WDFY3: variants seen among roughly 807,000 people sequenced by gnomAD.
The protein encoded by WDFY3 is WD repeat and FYVE domain containing 3.
In WDFY3, 66 loss-of-function variants were observed where a neutral mutation model predicts 409.6. The observed-to-expected ratio is 0.16, with a 90% CI of 0.13 to 0.20. WDFY3 has a LOEUF of 0.20. WDFY3 is among the 10% of genes least tolerant of loss of function. The pLI is 1.00. For missense variants in WDFY3, 3,031 were observed against 4,298.1 expected (o/e 0.71, Z 8.24); for synonymous variants, 1,521 against 1,537.1 (o/e 0.99, Z 0.25).
At chr4:84,910,024 G>A (rs530321515) in intron 2 of WDFY3, among the ~76,000 whole-genome samples, 4 of 152,238 alleles carry the variant, frequency 2.6e-5, no homozygotes, top group Admixed American at 2.6e-4. Context: ...GCATCTGTGG[G>A]TTCCACACTG....
chr4:84,693,970 T>C (rs1422038888), intron 58 of WDFY3, among the ~76,000 whole-genome samples: 2 of 151,224 alleles, frequency 1.3e-5, no homozygotes, highest in African/African-American at 4.9e-5. Flanking sequence ...AGGCATAGAG[T>C]AGTTTCTGTT....
chr4:84,803,877 A>T (rs1751070425), intron 15 of WDFY3: 1 of 159,608 alleles, frequency 6.3e-6, no homozygotes, highest in South Asian at 1.7e-4. Context: ...TATCTTTTGA[A>T]ATTACCTATA....
intron 3 of WDFY3, among the ~76,000 whole-genome samples, chr4:84,869,387 C>T (rs139640825): frequency 8.4e-4 from 128 of 152,254 alleles, no homozygotes; most frequent in African/African-American, 2.9e-3. Flanking sequence ...CTGGCCTATA[C>T]ACCTTCTCAA....
chr4:84,772,185 T>C (rs1190499747), intron 30 of WDFY3, among the ~76,000 whole-genome samples: 2 of 152,136 alleles, frequency 1.3e-5, no homozygotes, highest in Non-Finnish European at 2.9e-5. Context: ...ATTCTGAGAA[T>C]TTAATTCCAG....
chr4:84,841,510 T>C (rs559425760), intron 5 of WDFY3, among the ~76,000 whole-genome samples: 27 of 152,202 alleles, frequency 1.8e-4, no homozygotes, highest in African/African-American at 4.8e-4. Flanking sequence ...AATCAAAAAG[T>C]CATGAAAGAG....
At chr4:84,963,188 C>T (rs1253163169) in intron 1 of WDFY3, among the ~76,000 whole-genome samples, 3 of 150,832 alleles carry the variant, frequency 2.0e-5, no homozygotes, top group South Asian at 2.1e-4. Flanking sequence ...TTTTGGGAGA[C>T]AGAGGCAGGC....
At chr4:84,709,659 T>C (rs550963260) in intron 51 of WDFY3, among the ~76,000 whole-genome samples, 1 of 152,232 alleles carries the variant, frequency 6.6e-6, no homozygotes, top group Non-Finnish European at 1.5e-5. Context: ...ATGTAATATA[T>C]ATTTTTTACT....
chr4:84,860,130 T>C (rs1760393918), intron 4 of WDFY3, among the ~76,000 whole-genome samples: 1 of 152,188 alleles, frequency 6.6e-6, no homozygotes, highest in South Asian at 2.1e-4. Context: ...TCTATTCCTC[T>C]TCCAAATCTC....
Position 84,770,807 on chromosome 4 carries a change from A to T in WDFY3, c.4849+2028T>A, listed in dbSNP as rs181523025. ...AATCTAGACAGAAATTAAAAATTTTATTTAACTTTTATGTCTCCTTTTCTT... is the reference window on the plus strand; with the variant it reads ...AATCTAGACAGAAATTAAAAATTTTTTTTAACTTTTATGTCTCCTTTTCTT... On this transcript the variant is annotated intron_variant, in intron 30 of 67. Transcript: ENST00000295888. Among the ~76,000 whole-genome samples, 591 of 152,332 alleles carry T rather than the reference A, an allele frequency of 3.9e-3. 1 individual carries two copies. Among genetic ancestry groups the T allele is most frequent in the Non-Finnish European group, 6.6e-3 (452 of 68,022 alleles).
rs1775732303 is a variant in WDFY3 at position 84,966,231 on chromosome 4, G to C, written c.-248C>G. 1.3e-5 allele frequency: 2 copies of C among 151,222 alleles called. No homozygotes were observed. The allele number at this position is 151,222 out of a possible 1,614,324, so 9.4% of individuals were successfully genotyped here. A position where few individuals can be genotyped will look rare whatever the true frequency, so the allele number is the denominator to read the frequency against. Reference sequence around the variant, plus strand: ...CACCTGAGGGCCGGCGGAGGGCGCGGGCGGGACAGGCCCAGGAGACGGGAC... The same window carrying C: ...CACCTGAGGGCCGGCGGAGGGCGCGCGCGGGACAGGCCCAGGAGACGGGAC... On this transcript the variant is annotated 5_prime_UTR_variant, in exon 1 of 68. Transcript: ENST00000295888.
chr4:84,926,184 G>A (rs1478179140), intron 2 of WDFY3, among the ~76,000 whole-genome samples: 5 of 141,384 alleles, frequency 3.5e-5, no homozygotes, highest in Non-Finnish European at 6.1e-5. Flanking sequence ...CAGCCTGGGC[G>A]ACAGAGTGAG....
At position 84,678,316 on chromosome 4, in the gene WDFY3, C is replaced by T. The variant is rs373249814; in HGVS notation, c.10148-37G>A. 2.0e-6 allele frequency: 3 copies of T among 1,501,384 alleles called. No individual in the cohort carries two copies. The African/African-American group carries it at 4.1e-5, about 21-fold the overall frequency. 93.0% of individuals were successfully genotyped at this position (1,501,384 alleles called of 1,614,324 possible). On this transcript the variant is annotated intron_variant, in intron 65 of 67. Coordinates refer to ENST00000295888, the MANE Select transcript of WDFY3 (RefSeq NM_014991.6). ...AAGTGGAGGACACAACATAACTCAA[C>T]TGAGAGAAGCCAATACTGGGGAGAA...
At chr4:84,917,340 C>T (rs1768643087) in intron 2 of WDFY3, among the ~76,000 whole-genome samples, 1 of 152,146 alleles carries the variant, frequency 6.6e-6, no homozygotes, top group African/African-American at 2.4e-5. Context: ...TCCAAACCTT[C>T]CTCTTTACAA....
intron 36 of WDFY3, among the ~76,000 whole-genome samples, chr4:84,744,238 T>A (rs1346286918): frequency 6.6e-6 from 1 of 151,194 alleles, no homozygotes; most frequent in Non-Finnish European, 1.5e-5. Context: ...GATATGGTGG[T>A]TTACAATGAA....
rs1740555154 is a variant in WDFY3 at position 84,751,751 on chromosome 4, A to G, written c.5740-35T>C. ...TCAAGTGGAAAGATACGGTAATCAC[A>G]TTAGACTCTGACATTTTTACTTCTG... On this transcript the variant is annotated intron_variant, in intron 35 of 67. Transcript: ENST00000295888. The G allele has an allele frequency of 1.9e-6, 3 of 1,605,094 alleles. No individual in the cohort carries two copies. In the East Asian group the frequency reaches 6.7e-5, roughly 36 times the overall value.
chr4:84,692,506 T>C (rs1729424585), intron 59 of WDFY3, among the ~76,000 whole-genome samples: 1 of 152,150 alleles, frequency 6.6e-6, no homozygotes, highest in Admixed American at 6.5e-5. Flanking sequence ...ATACTAAAAA[T>C]GTGTTCTTTT....
rs145758446 is a variant in WDFY3, at chr4:84,954,498, C to T, written c.-226+11711G>A. ...CCAGGCTTTAATCAAAGAAATCTGACTATAAATTTATCTATAAATTTATAG... is the reference window on the plus strand; with the variant it reads ...CCAGGCTTTAATCAAAGAAATCTGATTATAAATTTATCTATAAATTTATAG... On this transcript the variant is annotated intron_variant, in intron 1 of 67. Coordinates refer to ENST00000295888, the MANE Select transcript of WDFY3 (RefSeq NM_014991.6). Among the ~76,000 whole-genome samples the T allele has an allele frequency of 6.9e-4, 105 of 152,202 alleles. No homozygotes were observed. The East Asian group carries it at 0.019, about 28-fold the overall frequency.
chr4:84,797,895 C>A, intron 18 of WDFY3, 101 bp downstream of exon 18: 1 of 1,118,086 alleles, frequency 8.9e-7, no homozygotes, highest in East Asian at 2.5e-5. Flanking sequence ...AATAATAAAC[C>A]CTTCTCTTTC....
chr4:84,826,591 G>C lies in WDFY3; in HGVS notation c.1123+224C>G, dbSNP rs1188480114. 4.6e-5 allele frequency among the ~76,000 whole-genome samples: 7 copies of C among 151,378 alleles called. No individual in the cohort carries two copies. The East Asian group carries it at 1.4e-3, about 29-fold the overall frequency. ...AAAATACTGTAATATAAATCTCCTT[G>C]TTTGATTTTATATTTTTATAATATT... is the stretch of plus-strand genomic sequence containing the variant. On this transcript the variant is annotated intron_variant, in intron 10 of 67. Coordinates refer to ENST00000295888, the MANE Select transcript of WDFY3 (RefSeq NM_014991.6).
Sources: allele counts gnomAD v4.1 joint callset (sites outside exome capture counted in the v4.1 genomes callset), GRCh38; gene constraint gnomAD v4.1.1; transcripts MANE v1.5; gene names NCBI Gene and HGNC (gene_info 2026-07-23, HGNC 2026-07-21).